MTSS1: variants seen among roughly 807,000 people sequenced by gnomAD.
MTSS1 encodes protein MTSS 1.
A neutral mutation model predicts 79.0 loss-of-function variants in MTSS1; 18 were observed. The ratio of observed to expected loss-of-function variants is 0.23; its 90% confidence interval spans 0.16 to 0.34. MTSS1 has a LOEUF of 0.34. Among genes scored for constraint, MTSS1 ranks in the 10% least tolerant of loss-of-function variants. MTSS1 has a pLI of 1.00. For synonymous variants in MTSS1, 341 were observed against 368.6 expected (o/e 0.93, Z 0.86); for missense variants, 815 against 986.2 (o/e 0.83, Z 2.33).
chr8:124,576,509 A>G (rs1213597733), intron 6 of MTSS1, among the ~76,000 whole-genome samples: 1 of 152,248 alleles, frequency 6.6e-6, no homozygotes, highest in Non-Finnish European at 1.5e-5. Flanking sequence ...GCTTGAGTGT[A>G]GATGCTACTT....
At chr8:124,615,042 T>C (rs1836580780) in intron 3 of MTSS1, among the ~76,000 whole-genome samples, 1 of 152,186 alleles carries the variant, frequency 6.6e-6, no homozygotes, top group Admixed American at 6.5e-5. Flanking sequence ...GGCGGGAAGA[T>C]GCAGCGTTCC....
intron 6 of MTSS1, among the ~76,000 whole-genome samples, chr8:124,576,559 G>T (rs902320325): frequency 2.0e-5 from 3 of 152,194 alleles, no homozygotes; most frequent in African/African-American, 7.2e-5. Context: ...CACAGAGGAG[G>T]CTTGTCATAC....
Position 124,562,782 on chromosome 8 carries a change from C to T in MTSS1, c.1035G>A (p.Gln345=), listed in dbSNP as rs561475594. 2.0e-5 allele frequency: 33 copies of T among 1,613,836 alleles called. No homozygotes were observed. In the South Asian group the frequency reaches 3.4e-4, roughly 17 times the overall value. ...CTCCTGGAGCCAAGGGCACCCTTACCTGGTTGGGGGCCTCTGGCGGCATGG... is the reference window on the plus strand; with the variant it reads ...CTCCTGGAGCCAAGGGCACCCTTACTTGGTTGGGGGCCTCTGGCGGCATGG... ...PSPMPPEAPN[Q]LSNGFSHYSL... The change falls in exon 10 of 14, where the codon CAG becomes CAA. Residue 345 remains glutamine, a splice_region_variant and synonymous_variant. Transcript: ENST00000518547.
At position 124,553,817 on chromosome 8, in the gene MTSS1, A is replaced by G; in HGVS notation, c.1568-125T>C. The G allele has an allele frequency of 1.2e-6, 1 of 820,800 alleles. No homozygotes were observed. 50.8% of individuals were successfully genotyped at this position (820,800 alleles called of 1,614,324 possible). A position where few individuals can be genotyped will look rare whatever the true frequency, so the allele number is the denominator to read the frequency against. On this transcript the variant is annotated intron_variant, in intron 13 of 13. Coordinates refer to ENST00000518547, the MANE Select transcript of MTSS1 (RefSeq NM_014751.6). The surrounding 1 kb of genome is among the most constrained non-coding windows in gnomAD (Gnocchi z 6.0). ...CACAGTCTCATCCCAAGCTTCCCCC[A>G]GGCTTCTCTACCATCTTCAGAAAGC... is the stretch of plus-strand genomic sequence containing the variant.
chr8:124,697,798 T>C (rs1160462218), intron 3 of MTSS1, among the ~76,000 whole-genome samples: 1 of 152,028 alleles, frequency 6.6e-6, no homozygotes, highest in Non-Finnish European at 1.5e-5. Context: ...TTAAAGGACT[T>C]TTAAAAAGAT....
chr8:124,605,243 G>C (rs964287777), intron 3 of MTSS1, among the ~76,000 whole-genome samples: 3 of 152,216 alleles, frequency 2.0e-5, no homozygotes, highest in African/African-American at 7.2e-5. Flanking sequence ...AGCCAGGTCT[G>C]AGCGACTCGA....
In MTSS1 at chr8:124,562,811, A is replaced by T. The variant is rs758561733; in HGVS notation, c.1006T>A (p.Ser336Thr). The change falls in exon 10 of 14, where the codon TCC becomes ACC. Residue 336 changes from serine (S) to threonine (T), a missense_variant. By Grantham distance (58) the Ser-to-Thr change is moderately conservative (BLOSUM62 1). Transcript: ENST00000518547. ...SQDAFQSKSP[S>T]PMPPEAPNQL... ...TTGGGGGCCTCTGGCGGCATGGGGG[A>T]TGGTGACTTGGACTGGAAGGCATCC... is the stretch of plus-strand genomic sequence containing the variant. 6 of 1,613,908 alleles carry T rather than the reference A, an allele frequency of 3.7e-6. No individual in the cohort carries two copies. In the East Asian group the frequency reaches 1.3e-4, roughly 36 times the overall value.
At chr8:124,713,631 C>G (rs1418441596) in intron 1 of MTSS1, among the ~76,000 whole-genome samples, 1 of 152,032 alleles carries the variant, frequency 6.6e-6, no homozygotes, top group African/African-American at 2.4e-5. Flanking sequence ...GCCATGTTGG[C>G]CAGGCTGGTT....
rs760810182 is a variant in MTSS1 at position 124,597,373 on chromosome 8, C to T, written c.209-6138G>A. On this transcript the variant is annotated intron_variant, in intron 3 of 13. Transcript: ENST00000518547. This position sits in a 1 kb window ranked among gnomAD's most constrained non-coding sequence, Gnocchi z 4.6. ...CTCACTACGACAAGCTGGAGACATTCCCAGCTGAGGACAAAGAGGCACATT... is the reference window on the plus strand; with the variant it reads ...CTCACTACGACAAGCTGGAGACATTTCCAGCTGAGGACAAAGAGGCACATT... Among the ~76,000 whole-genome samples, 119 of 152,298 alleles carry T rather than the reference C, an allele frequency of 7.8e-4. No homozygotes were observed. Among genetic ancestry groups the T allele is most frequent in the Non-Finnish European group, 1.4e-3 (93 of 68,020 alleles).
At chr8:124,685,311 T>G (rs952046088) in intron 3 of MTSS1, among the ~76,000 whole-genome samples, 1 of 152,224 alleles carries the variant, frequency 6.6e-6, no homozygotes, top group Non-Finnish European at 1.5e-5. Flanking sequence ...TTATGTTATA[T>G]GAATTTCACC....
intron 3 of MTSS1, among the ~76,000 whole-genome samples, chr8:124,617,731 C>T (rs940351411): frequency 6.6e-6 from 1 of 152,174 alleles, no homozygotes; most frequent in Non-Finnish European, 1.5e-5. Context: ...GCTCAGTGAC[C>T]TCAGAGATCC....
intron 3 of MTSS1, among the ~76,000 whole-genome samples, chr8:124,698,760 G>A (rs1424719329): frequency 6.6e-6 from 1 of 151,956 alleles, no homozygotes; most frequent in Non-Finnish European, 1.5e-5. Flanking sequence ...GATCCACCTC[G>A]GATCTCTTGC....
intron 10 of MTSS1, 185 bp from the exon 11 acceptor site, chr8:124,558,060 A>T (rs1563742915): frequency 3.6e-6 from 2 of 558,786 alleles, no homozygotes; most frequent in East Asian, 5.8e-5. Context: ...CCGGGGTGCA[A>T]AGAATGCACA....
At chr8:124,639,496 AC>A (rs145400979) in intron 3 of MTSS1, among the ~76,000 whole-genome samples, 3,065 of 151,824 alleles carry the variant, frequency 0.02, 107 homozygotes, top group African/African-American at 0.069. Context: ...TTTCCCTGAG[AC>A]AGGGTCTTGT....
At chr8:124,620,138 T>A (rs1170118514) in intron 3 of MTSS1, among the ~76,000 whole-genome samples, 1 of 151,796 alleles carries the variant, frequency 6.6e-6, no homozygotes, top group East Asian at 1.9e-4. Context: ...AGAGATGGGG[T>A]TTCTCCATAT....
chr8:124,688,492 G>A (rs190483716), intron 3 of MTSS1, among the ~76,000 whole-genome samples: 1 of 152,250 alleles, frequency 6.6e-6, no homozygotes, highest in African/African-American at 2.4e-5. Flanking sequence ...AGAAGCTTAT[G>A]TCAAATGAAA....
intron 7 of MTSS1, chr8:124,567,555 C>T (rs898964470): frequency 2.9e-5 from 38 of 1,292,866 alleles, no homozygotes; most frequent in Admixed American, 2.3e-4. Context: ...ATGGATGACA[C>T]GACTTGGATA....
chr8:124,578,363 T>C (rs999476153), intron 6 of MTSS1, among the ~76,000 whole-genome samples: 1 of 152,162 alleles, frequency 6.6e-6, no homozygotes, highest in Non-Finnish European at 1.5e-5. Flanking sequence ...TGGTGCACGC[T>C]GTCCTCTCCA....
intron 3 of MTSS1, among the ~76,000 whole-genome samples, chr8:124,668,637 C>T (rs1223000546): frequency 6.6e-6 from 1 of 152,202 alleles, no homozygotes; most frequent in Non-Finnish European, 1.5e-5. Flanking sequence ...AGGGAAAATT[C>T]ATACCTCTGA....
Sources: gnomAD v4.1 joint callset for allele counts (sites outside exome capture counted in the v4.1 genomes callset) on GRCh38, gnomAD v4.1.1 for gene constraint, Gnocchi (gnomAD v3.1) non-coding constraint, MANE v1.5 for transcripts, NCBI Gene and HGNC (gene_info 2026-07-23, HGNC 2026-07-21) for gene names.